Variants in ERRFI1 observed in about 807,000 individuals in gnomAD.
ERRFI1 encodes ERBB receptor feedback inhibitor 1.
In ERRFI1, 12 loss-of-function variants were observed where a neutral mutation model predicts 14.6. That is an observed-to-expected ratio of 0.82 (90% CI 0.53 to 1.33). ERRFI1 has a LOEUF of 1.33. ERRFI1 is among the 40% of genes most tolerant of loss of function. The probability of loss-of-function intolerance (pLI) is 0.00; values close to 1 mark genes in which losing one functional copy is unlikely to be tolerated. For missense variants in ERRFI1, 482 were observed against 572.1 expected (o/e 0.84, Z 1.61); for synonymous variants, 202 against 209.9 (o/e 0.96, Z 0.32).
intron 3 of ERRFI1, 184 bp from the exon 4 acceptor site, chr1:8,014,580 C>A (rs1327688334): frequency 1.7e-5 from 10 of 591,234 alleles, no homozygotes; most frequent in Middle Eastern, 4.4e-4. Flanking sequence ...AGATTCTTAA[C>A]GCACATGGTG....
chr1:8,011,950 G>T lies in ERRFI1; in HGVS notation c.*1260C>A, dbSNP rs923235512. On this transcript the variant is annotated 3_prime_UTR_variant, in exon 4 of 4. Coordinates refer to ENST00000377482, the MANE Select transcript of ERRFI1 (RefSeq NM_018948.4). Reference sequence around the variant, plus strand: ...TAAACTGTAAACAGCTTGTTTAACTGTTAAGAGAACATTGCAGTAATGTAC... The same window carrying T: ...TAAACTGTAAACAGCTTGTTTAACTTTTAAGAGAACATTGCAGTAATGTAC... The T allele has an allele frequency of 1.8e-5, 4 of 227,932 alleles. No individual in the cohort carries two copies. The allele number at this position is 227,932 out of a possible 1,614,324, so 14.1% of individuals were successfully genotyped here.
chr1:8,015,304 A>G lies in ERRFI1; in HGVS notation c.202+4T>C. On this transcript the variant is annotated splice_donor_region_variant and intron_variant, in intron 3 of 3. Transcript: ENST00000377482. ...TACTGTGATCAGATTTTCAGAATAC[A>G]TACCAAGTGGTATTAGGCGCTCCTG... The G allele has an allele frequency of 6.2e-7, 1 of 1,612,930 alleles. No individual in the cohort carries two copies. Among genetic ancestry groups the G allele is most frequent in the Non-Finnish European group, 8.5e-7 (1 of 1,178,880 alleles).
At chr1:8,015,063 T>C (rs777940796) in intron 3 of ERRFI1, 36 of 466,114 alleles carry the variant, frequency 7.7e-5, no homozygotes, top group Non-Finnish European at 1.3e-4. Flanking sequence ...AATTCTTGAT[T>C]TTAGAAGATC....
Position 8,017,483 on chromosome 1 carries a change from A to G in ERRFI1, c.-73-1791T>C, listed in dbSNP as rs533125094. Among the ~76,000 whole-genome samples, 3 of 152,332 alleles carry G rather than the reference A, an allele frequency of 2.0e-5. No homozygotes were observed. The South Asian group carries it at 6.2e-4, about 32-fold the overall frequency. The stretch of plus-strand genomic sequence containing the variant: ...AGGATTGGTTTTTCAGATTACTTCA[A>G]TGAAGCAAATGTGTTATCTACCATC... On this transcript the variant is annotated intron_variant, in intron 1 of 3. Transcript: ENST00000377482.
Position 8,015,510 on chromosome 1 carries a change from C to A in ERRFI1, c.110G>T (p.Arg37Leu). The change falls in exon 2 of 4, where the codon CGC (arginine) becomes CTC (leucine). Residue 37 changes from arginine to leucine, a missense_variant. Transcript: ENST00000377482. ...CTCTACTTACTTTTTAAACTCACTG[C>A]GACTGCTCCAGTAGGTCTTCCTCAT... ...GNMRKTYWSS[R>L]SEFKNNFLNI... is the part of the protein sequence containing the mutation. The A allele has an allele frequency of 6.2e-7, 1 of 1,614,130 alleles. No individual in the cohort carries two copies. Among genetic ancestry groups the A allele is most frequent in the Non-Finnish European group, 8.5e-7 (1 of 1,179,986 alleles).
At position 8,014,131 on chromosome 1, in the gene ERRFI1, C is replaced by G. The variant is rs1557464040; in HGVS notation, c.468G>C (p.Leu156Phe). Reference sequence around the variant, plus strand: ...CCAGAGAGAGGGCTTCAGAGATTGGCAACGGTGGAAGAGGCCTAGAACCCC... The same window carrying G: ...CCAGAGAGAGGGCTTCAGAGATTGGGAACGGTGGAAGAGGCCTAGAACCCC... ...CERGSRPLPP[L>F]PISEALSLDD... Residue 156 changes from leucine (L) to phenylalanine (F), a missense_variant, in exon 4 of 4, where the codon TTG (leucine) becomes TTC (phenylalanine). Leu to Phe is a conservative substitution (Grantham distance 22). Transcript: ENST00000377482. 1 of 1,614,116 alleles carries G rather than the reference C, an allele frequency of 6.2e-7. No individual in the cohort carries two copies. Among genetic ancestry groups the G allele is most frequent in the Non-Finnish European group, 8.5e-7 (1 of 1,180,030 alleles).
chr1:8,024,026 A>C (rs908194524), intron 1 of ERRFI1, among the ~76,000 whole-genome samples: 1 of 152,236 alleles, frequency 6.6e-6, no homozygotes, highest in African/African-American at 2.4e-5. Context: ...GAGGGAGCCT[A>C]TGCCATTCCA....
chr1:8,013,321 T>C lies in ERRFI1; in HGVS notation c.1278A>G (p.Leu426=), dbSNP rs751667404. 5 of 1,614,104 alleles carry C rather than the reference T, an allele frequency of 3.1e-6. No homozygotes were observed. Among genetic ancestry groups the C allele is most frequent in the Non-Finnish European group, 4.2e-6 (5 of 1,180,056 alleles). The part of the protein sequence containing the change: ...ETNGGAQIQP[L]PADCGISSAT... ...CTGAAGATATACCGCAGTCAGCAGG[T>C]AATGGCTGGATTTGGGCGCCTCCAT... Residue 426 remains leucine, a synonymous_variant, in exon 4 of 4, where the codon TTA becomes TTG. Transcript: ENST00000377482. The surrounding 1 kb of genome is among the most constrained non-coding windows in gnomAD (Gnocchi z 4.3).
intron 3 of ERRFI1, 171 bp from the exon 4 acceptor site, chr1:8,014,567 AG>A (rs1463152093): frequency 1.6e-6 from 1 of 610,394 alleles, no homozygotes; most frequent in South Asian, 2.2e-5. Flanking sequence ...ATTAGAGAGC[AG>A]AAGATTCTTA....
At chr1:8,024,295 A>C (rs28624) in intron 1 of ERRFI1, among the ~76,000 whole-genome samples, 38,138 of 152,104 alleles carry the variant, frequency 0.25, 5,679 homozygotes, top group East Asian at 0.63. Context: ...ACCAGTATAT[A>C]TTGTGAACTG....
At chr1:8,015,273 A>C in intron 3 of ERRFI1, 35 bp downstream of exon 3, 1 of 1,585,964 alleles carries the variant, frequency 6.3e-7, no homozygotes, top group Non-Finnish European at 8.7e-7. Context: ...GTTCTTCTCA[A>C]ATGCTTACTG....
At chr1:8,025,839 A>G (rs1641339244) in intron 1 of ERRFI1, among the ~76,000 whole-genome samples, 1 of 152,074 alleles carries the variant, frequency 6.6e-6, no homozygotes, top group Non-Finnish European at 1.5e-5. Flanking sequence ...GGCCCCGGCC[A>G]GCCGAGGGGC....
At chr1:8,023,199 T>C (rs1641297162) in intron 1 of ERRFI1, among the ~76,000 whole-genome samples, 1 of 152,230 alleles carries the variant, frequency 6.6e-6, no homozygotes, top group African/African-American at 2.4e-5. Flanking sequence ...AGCTTTTGGA[T>C]AATGTCTTCC....
At chr1:8,018,076 T>C (rs916792075) in intron 1 of ERRFI1, among the ~76,000 whole-genome samples, 2 of 152,164 alleles carry the variant, frequency 1.3e-5, no homozygotes, top group Admixed American at 1.3e-4. Flanking sequence ...TGTGTATTCA[T>C]AGAAGGTGAC....
At chr1:8,015,133 C>A (rs1641154521) in intron 3 of ERRFI1, 175 bp downstream of exon 3, 1 of 607,546 alleles carries the variant, frequency 1.6e-6, no homozygotes, top group Non-Finnish European at 2.9e-6. Context: ...CAGTCGAGTA[C>A]AATAGCTTGA....
chr1:8,016,881 T>C (rs1209781071), intron 1 of ERRFI1, among the ~76,000 whole-genome samples: 1 of 151,552 alleles, frequency 6.6e-6, no homozygotes, highest in Non-Finnish European at 1.5e-5. Context: ...ACACATTTGC[T>C]GTGGGGGAGA....
In ERRFI1 at chr1:8,012,130, C is replaced by T. The variant is rs1641094329; in HGVS notation, c.*1080G>A. 1 of 230,498 alleles carries T rather than the reference C, an allele frequency of 4.3e-6. No homozygotes were observed. Among genetic ancestry groups the T allele is most frequent in the Non-Finnish European group, 8.6e-6 (1 of 116,174 alleles). 14.3% of individuals were successfully genotyped at this position (230,498 alleles called of 1,614,324 possible). On this transcript the variant is annotated 3_prime_UTR_variant, in exon 4 of 4. Coordinates refer to ENST00000377482, the MANE Select transcript of ERRFI1 (RefSeq NM_018948.4). Reference sequence around the variant, plus strand: ...TCAAAGCAGAAAGATGCTGATGTGACCTCTGGAATTCAGACATACTGAGCT... The same window carrying T: ...TCAAAGCAGAAAGATGCTGATGTGATCTCTGGAATTCAGACATACTGAGCT...
chr1:8,025,311 A>C (rs1641328169), intron 1 of ERRFI1, among the ~76,000 whole-genome samples: 1 of 152,238 alleles, frequency 6.6e-6, no homozygotes, highest in Non-Finnish European at 1.5e-5. Flanking sequence ...TAATTTGTAC[A>C]GGGCTATGAT....
intron 1 of ERRFI1, among the ~76,000 whole-genome samples, chr1:8,024,053 C>G (rs1641311243): frequency 6.6e-6 from 1 of 152,208 alleles, no homozygotes; most frequent in Non-Finnish European, 1.5e-5. Context: ...GGAGTTACCC[C>G]TGACACCTCC....
Sources: gnomAD v4.1 joint callset for allele counts (sites outside exome capture counted in the v4.1 genomes callset) on GRCh38, gnomAD v4.1.1 for gene constraint, Gnocchi (gnomAD v3.1) non-coding constraint, MANE v1.5 for transcripts, NCBI Gene and HGNC (gene_info 2026-07-23, HGNC 2026-07-21) for gene names.